Variants in CTNND2 observed in about 807,000 individuals in gnomAD.
CTNND2 encodes catenin delta 2.
In CTNND2, 22 loss-of-function variants were observed where a neutral mutation model predicts 144.4. The ratio of observed to expected loss-of-function variants is 0.15; its 90% CI spans 0.11 to 0.22. The LOEUF (loss-of-function observed/expected upper bound fraction) is 0.22, where lower values mean the gene tolerates loss of function less well. Ranked by LOEUF, CTNND2 falls within the 10% of genes least tolerant of loss-of-function variation. The pLI is 1.00. For missense variants in CTNND2, 1,353 were observed against 1,618.8 expected (o/e 0.84, Z 2.82); for synonymous variants, 751 against 695.6 (o/e 1.08, Z -1.25).
chr5:11,334,328 A>G (rs371484868), intron 9 of CTNND2, among the ~76,000 whole-genome samples: 4 of 152,302 alleles, frequency 2.6e-5, no homozygotes, highest in Admixed American at 1.3e-4. Flanking sequence ...ATATACAACT[A>G]TTCTATGGCA....
chr5:11,197,597 G>A (rs1736991911), intron 11 of CTNND2, among the ~76,000 whole-genome samples: 1 of 152,156 alleles, frequency 6.6e-6, no homozygotes. Context: ...TTCCAAATGG[G>A]GCTCACATAG....
At chr5:11,107,503 G>A (rs1382118458) in intron 14 of CTNND2, among the ~76,000 whole-genome samples, 5 of 152,296 alleles carry the variant, frequency 3.3e-5, no homozygotes, top group Non-Finnish European at 7.4e-5. Flanking sequence ...GAAAATCCAA[G>A]AAAACCTTGT....
chr5:11,348,075 A>G (rs1338325192), intron 8 of CTNND2, among the ~76,000 whole-genome samples: 1 of 152,208 alleles, frequency 6.6e-6, no homozygotes, highest in Non-Finnish European at 1.5e-5. Context: ...TATTTAAGAG[A>G]AACTTTATAA....
At chr5:11,129,880 C>A (rs1047466833) in intron 12 of CTNND2, among the ~76,000 whole-genome samples, 8 of 152,226 alleles carry the variant, frequency 5.3e-5, no homozygotes, top group Admixed American at 4.6e-4. Context: ...ATTAGCCACA[C>A]CTCCATAAAC....
intron 6 of CTNND2, among the ~76,000 whole-genome samples, chr5:11,392,139 G>A (rs778747638): frequency 6.6e-5 from 10 of 152,102 alleles, no homozygotes; most frequent in Non-Finnish European, 1.0e-4. Flanking sequence ...AGAAGGAGGC[G>A]GCAATGGATT....
intron 2 of CTNND2, among the ~76,000 whole-genome samples, chr5:11,627,373 G>A: frequency 6.6e-6 from 1 of 152,230 alleles, no homozygotes; most frequent in East Asian, 1.9e-4. Flanking sequence ...GCTCTCTATT[G>A]TGCCCTTTTA....
At chr5:11,390,709 G>A (rs1000435168) in intron 6 of CTNND2, among the ~76,000 whole-genome samples, 5 of 152,238 alleles carry the variant, frequency 3.3e-5, no homozygotes, top group Non-Finnish European at 7.3e-5. Flanking sequence ...CGGGCCAACA[G>A]TGTCAGGAAT....
At chr5:11,768,163 CTG>C (rs2126818876) in intron 1 of CTNND2, among the ~76,000 whole-genome samples, 2 of 152,270 alleles carry the variant, frequency 1.3e-5, no homozygotes, top group Non-Finnish European at 2.9e-5. Context: ...CTTCATTAGT[CTG>C]TTGTCTTCCT....
chr5:11,632,285 T>C (rs565979659), intron 2 of CTNND2, among the ~76,000 whole-genome samples: 2 of 151,752 alleles, frequency 1.3e-5, no homozygotes, highest in Admixed American at 6.6e-5. Context: ...GGATGAAAAA[T>C]AAAAAGAGAC....
At chr5:11,478,300 G>C (rs1767945554) in intron 3 of CTNND2, among the ~76,000 whole-genome samples, 1 of 152,132 alleles carries the variant, frequency 6.6e-6, no homozygotes, top group East Asian at 1.9e-4. Flanking sequence ...TTTGATATCT[G>C]TTTTTCCAAA....
intron 2 of CTNND2, among the ~76,000 whole-genome samples, chr5:11,619,033 G>A (rs747003345): frequency 1.3e-5 from 2 of 152,072 alleles, no homozygotes; most frequent in Non-Finnish European, 2.9e-5. Context: ...AAGTTATTAT[G>A]TTATTTCTGA....
intron 9 of CTNND2, among the ~76,000 whole-genome samples, chr5:11,336,314 G>A (rs1186255363): frequency 6.6e-6 from 1 of 152,210 alleles, no homozygotes; most frequent in Non-Finnish European, 1.5e-5. Flanking sequence ...AAGGCATAGT[G>A]TACTTTGAAC....
chr5:11,751,474 A>G (rs1480698401), intron 1 of CTNND2, among the ~76,000 whole-genome samples: 1 of 151,844 alleles, frequency 6.6e-6, no homozygotes, highest in Admixed American at 6.6e-5. Flanking sequence ...CTTATAAGTG[A>G]GAACATGAGG....
At chr5:11,364,343 C>A (rs1015463176) in intron 8 of CTNND2, among the ~76,000 whole-genome samples, 1 of 152,210 alleles carries the variant, frequency 6.6e-6, no homozygotes, top group Non-Finnish European at 1.5e-5. Flanking sequence ...CATCATCAAG[C>A]ATACGTCTTT....
At chr5:11,243,355 C>T (rs1020980107) in intron 9 of CTNND2, among the ~76,000 whole-genome samples, 6 of 151,926 alleles carry the variant, frequency 3.9e-5, no homozygotes, top group African/African-American at 1.5e-4. Context: ...AGATGAACAT[C>T]GAGTCCATCT....
intron 16 of CTNND2, among the ~76,000 whole-genome samples, chr5:11,062,918 G>A (rs1414765090): frequency 2.0e-5 from 3 of 152,202 alleles, no homozygotes; most frequent in Non-Finnish European, 4.4e-5. Context: ...CAAGGGTATT[G>A]CTTAATGCCA....
intron 2 of CTNND2, among the ~76,000 whole-genome samples, chr5:11,656,655 C>T (rs1049645370): frequency 6.6e-6 from 1 of 152,128 alleles, no homozygotes; most frequent in Admixed American, 6.6e-5. Flanking sequence ...GGAAAGTCTT[C>T]ACCCTCTCTC....
chr5:11,043,372 G>C (rs1179618481), intron 16 of CTNND2, among the ~76,000 whole-genome samples: 1 of 152,004 alleles, frequency 6.6e-6, no homozygotes, highest in Non-Finnish European at 1.5e-5. Context: ...CTCTACCCAG[G>C]ATTCCAGCAT....
intron 12 of CTNND2, among the ~76,000 whole-genome samples, chr5:11,124,496 ATCT>A (rs1490931733): frequency 1.3e-5 from 2 of 152,144 alleles, no homozygotes; most frequent in African/African-American, 4.8e-5. Flanking sequence ...TTTTAAAGAG[ATCT>A]TCTATCCGTG....
Sources: allele counts gnomAD v4.1 joint callset (sites outside exome capture counted in the v4.1 genomes callset), GRCh38; gene constraint gnomAD v4.1.1; transcripts MANE v1.5; gene names NCBI Gene and HGNC (gene_info 2026-07-23, HGNC 2026-07-21).